Variants in SLCO2B1 observed in about 807,000 individuals in gnomAD.
SLCO2B1 encodes the protein OATP-RP2.
In SLCO2B1, 41 loss-of-function variants were observed where a neutral mutation model predicts 67.3. The observed-to-expected ratio is 0.61, with a 90% confidence interval of 0.47 to 0.79. The LOEUF is 0.79. SLCO2B1 is among the 30% of genes least tolerant of loss of function. The pLI is 0.00. For missense variants in SLCO2B1, 837 were observed against 920.1 expected (o/e 0.91, Z 1.17); for synonymous variants, 379 against 381.4 (o/e 0.99, Z 0.07).
chr11:75,175,513 A>G (rs1322527737), intron 7 of SLCO2B1, among the ~76,000 whole-genome samples: 1 of 152,088 alleles, frequency 6.6e-6, no homozygotes, highest in African/African-American at 2.4e-5. Flanking sequence ...GGGTCCCCTA[A>G]ATACCCTCTT....
At chr11:75,186,383 A>G (rs760540041) in intron 7 of SLCO2B1, among the ~76,000 whole-genome samples, 1 of 151,704 alleles carries the variant, frequency 6.6e-6, no homozygotes, top group African/African-American at 2.4e-5. Flanking sequence ...TAATTTTTGT[A>G]TTTTTAGTAG....
intron 1 of SLCO2B1, among the ~76,000 whole-genome samples, chr11:75,161,594 G>A (rs1949821768): frequency 6.6e-6 from 1 of 152,158 alleles, no homozygotes; most frequent in Non-Finnish European, 1.5e-5. Flanking sequence ...CCAGATCAGA[G>A]GAATCCTGAG....
At chr11:75,180,812 C>T (rs1950083305) in intron 7 of SLCO2B1, among the ~76,000 whole-genome samples, 1 of 152,174 alleles carries the variant, frequency 6.6e-6, no homozygotes, top group Admixed American at 6.5e-5. Flanking sequence ...GTTATTACCC[C>T]CATCTTATAC....
intron 10 of SLCO2B1, among the ~76,000 whole-genome samples, chr11:75,198,340 T>C (rs1022593607): frequency 2.6e-5 from 4 of 152,250 alleles, no homozygotes; most frequent in Admixed American, 6.5e-5. Context: ...TATTATTAAG[T>C]GCCTACTACA....
intron 7 of SLCO2B1, among the ~76,000 whole-genome samples, chr11:75,187,543 A>G (rs958887529): frequency 6.6e-6 from 1 of 152,210 alleles, no homozygotes; most frequent in East Asian, 1.9e-4. Flanking sequence ...GAGGCTGGTG[A>G]TACTGATCTT....
At chr11:75,175,765 CGAG>C (rs1167770175) in intron 7 of SLCO2B1, among the ~76,000 whole-genome samples, 1 of 152,074 alleles carries the variant, frequency 6.6e-6, no homozygotes, top group Admixed American at 6.5e-5. Flanking sequence ...GCCCCTGCCC[CGAG>C]GAGGTCTGAG....
intron 6 of SLCO2B1, among the ~76,000 whole-genome samples, chr11:75,170,249 C>CCT (rs1949942479): frequency 2.0e-5 from 3 of 152,272 alleles, no homozygotes; most frequent in African/African-American, 7.2e-5. Flanking sequence ...TTACCCTGGG[C>CCT]CTCTCTCAGA....
Position 75,200,340 on chromosome 11 carries a change from G to A in SLCO2B1, c.1716G>A (p.Ser572=), listed in dbSNP as rs184750503. The change falls in exon 11 of 14, where the codon TCG becomes TCA. Residue 572 remains serine, a synonymous_variant. Coordinates refer to ENST00000289575, the MANE Select transcript of SLCO2B1 (RefSeq NM_007256.5). ...VPFLLLVSLG[S]ALACLTHTPS... ...TCCTGCTCCTGGTCAGCCTGGGCTC[G>A]GCCCTGGCCTGTCTCACCCACACAC... 27 of 1,612,840 alleles carry A rather than the reference G, an allele frequency of 1.7e-5. No homozygotes were observed. Among genetic ancestry groups the A allele is most frequent in the South Asian group, 5.5e-5 (5 of 90,968 alleles).
intron 10 of SLCO2B1, among the ~76,000 whole-genome samples, chr11:75,198,750 G>C (rs1325094547): frequency 1.3e-5 from 2 of 152,204 alleles, no homozygotes; most frequent in African/African-American, 4.8e-5. Context: ...GAACATCTTG[G>C]CTCAGGGATG....
At chr11:75,200,458 C>T in intron 11 of SLCO2B1, 71 bp downstream of exon 11, 1 of 1,463,606 alleles carries the variant, frequency 6.8e-7, no homozygotes, top group Non-Finnish European at 9.1e-7. Context: ...ACAAGGAATT[C>T]CAAGGACGGA....
chr11:75,184,328 A>G (rs1400556507), intron 7 of SLCO2B1, among the ~76,000 whole-genome samples: 3 of 152,236 alleles, frequency 2.0e-5, no homozygotes, highest in Non-Finnish European at 4.4e-5. Context: ...CCAGCAGGGG[A>G]GAAAGATGTC....
chr11:75,163,967 T>A lies in SLCO2B1; in HGVS notation c.152T>A (p.Phe51Tyr). 2 of 1,598,768 alleles carry A rather than the reference T, an allele frequency of 1.3e-6. No individual in the cohort carries two copies. The highest frequency in any genetic ancestry group is 2.7e-5 in the African/African-American group (2 of 74,468). ...RPSVFHNIKL[F>Y]VLCHSLLQLA... ...TGCCTCCGGGTCCCCCCACAGCTGTTCGTTCTGTGCCACAGCCTGCTGCAG... is the reference window on the plus strand; with the variant it reads ...TGCCTCCGGGTCCCCCCACAGCTGTACGTTCTGTGCCACAGCCTGCTGCAG... The change falls in exon 3 of 14, where the codon TTC becomes TAC. Residue 51 changes from phenylalanine (F) to tyrosine (Y), a missense_variant. Coordinates refer to ENST00000289575, the MANE Select transcript of SLCO2B1 (RefSeq NM_007256.5).
At chr11:75,167,252 C>T (rs988002656) in intron 4 of SLCO2B1, among the ~76,000 whole-genome samples, 12 of 152,132 alleles carry the variant, frequency 7.9e-5, no homozygotes, top group Admixed American at 1.3e-4. Flanking sequence ...AATGCAGAGT[C>T]GTTCTCTAGG....
intron 1 of SLCO2B1, among the ~76,000 whole-genome samples, chr11:75,155,624 A>G (rs1264937437): frequency 6.6e-6 from 1 of 152,088 alleles, no homozygotes; most frequent in Non-Finnish European, 1.5e-5. Context: ...TGCCCGGCTA[A>G]TTTTGGTATT....
rs745803025 is a variant in SLCO2B1, at chr11:75,188,237, A to C, written c.1074A>C (p.Lys358Asn). ...APNLTVIQFIKVFPRVLLQTL... is the reference protein window; with the variant it reads ...APNLTVIQFINVFPRVLLQTL... ...ACCTGACTGTGATCCAGTTCATTAAAGGTAAGTCAGCTCAGACCAGGTTAT... is the reference window on the plus strand; with the variant it reads ...ACCTGACTGTGATCCAGTTCATTAACGGTAAGTCAGCTCAGACCAGGTTAT... The change falls in exon 8 of 14, where the codon AAA becomes AAC. Residue 358 changes from lysine to asparagine, a missense_variant and splice_region_variant. Coordinates refer to ENST00000289575, the MANE Select transcript of SLCO2B1 (RefSeq NM_007256.5). The C allele has an allele frequency of 6.2e-7, 1 of 1,610,914 alleles. No homozygotes were observed. Among genetic ancestry groups the C allele is most frequent in the South Asian group, 1.1e-5 (1 of 90,968 alleles).
chr11:75,159,597 C>T (rs754154173), intron 1 of SLCO2B1, among the ~76,000 whole-genome samples: 1 of 152,190 alleles, frequency 6.6e-6, no homozygotes, highest in African/African-American at 2.4e-5. Context: ...GCTGTCAGCG[C>T]GTCAGCAGAG....
chr11:75,151,387 A>G lies in SLCO2B1; in HGVS notation c.6A>G (p.Gly2=). The change falls in exon 1 of 14, where the codon GGA becomes GGG. Residue 2 remains glycine, a synonymous_variant. Coordinates refer to ENST00000289575, the MANE Select transcript of SLCO2B1 (RefSeq NM_007256.5). M[G]PRIGPAGEVP... is the part of the protein sequence containing the mutation. ...CTCACTGCACTCCAGCAGTCATGGG[A>G]CCCAGGATAGGTAAGTCCGAACAAA... The G allele has an allele frequency of 6.2e-7, 1 of 1,613,742 alleles. No homozygotes were observed. The highest frequency in any genetic ancestry group is 1.1e-5 in the South Asian group (1 of 90,920).
intron 11 of SLCO2B1, chr11:75,200,686 G>A (rs1945168884): frequency 3.5e-6 from 1 of 288,870 alleles, no homozygotes; most frequent in Non-Finnish European, 6.4e-6. Flanking sequence ...TACTTGCCCA[G>A]GGGAGAGGAG....
At chr11:75,200,481 AG>A (rs1376879400) in intron 11 of SLCO2B1, 94 bp downstream of exon 11, 2 of 1,347,254 alleles carry the variant, frequency 1.5e-6, no homozygotes, top group African/African-American at 2.9e-5. Context: ...TCAAGAAAGG[AG>A]GCCACTTGGG....
Sources: allele counts gnomAD v4.1 joint callset (sites outside exome capture counted in the v4.1 genomes callset), GRCh38; gene constraint gnomAD v4.1.1; transcripts MANE v1.5; gene names NCBI Gene and HGNC (gene_info 2026-07-23, HGNC 2026-07-21).